The following MORN1 variants were observed in gnomAD, a reference collection of about 807,000 sequenced individuals.
MORN1 encodes MORN repeat containing 1.
Under a neutral mutation model 61.9 loss-of-function variants are expected in MORN1, and 67 were observed. That is an observed-to-expected ratio of 1.08 (90% CI 0.89 to 1.33). The LOEUF (loss-of-function observed/expected upper bound fraction) is 1.33. MORN1 is among the 40% of genes most tolerant of loss of function. MORN1 has a pLI of 0.00. For synonymous variants in MORN1, 301 were observed against 292.0 expected (o/e 1.03, Z -0.31); for missense variants, 752 against 691.2 (o/e 1.09, Z -0.99).
At chr1:2,323,590 C>T (rs537746979) in intron 13 of MORN1, 4 of 985,306 alleles carry the variant, frequency 4.1e-6, no homozygotes, top group East Asian at 1.1e-4. Context: ...GGAGGCCCCA[C>T]GGCTGAGGGT....
chr1:2,388,476 A>G (rs1464901745), intron 2 of MORN1, 139 bp from the exon 3 acceptor site: 5 of 619,466 alleles, frequency 8.1e-6, no homozygotes, highest in South Asian at 6.0e-5. Flanking sequence ...CATGCTATAC[A>G]TGTATTTAAA....
chr1:2,384,951 C>T (rs1306264904), intron 6 of MORN1, 27 bp downstream of exon 6: 1 of 1,527,788 alleles, frequency 6.5e-7, no homozygotes, highest in East Asian at 2.4e-5. Context: ...ACCCTCTGGG[C>T]AGCAGGTGCC....
chr1:2,338,602 CG>C (rs1393879669), intron 10 of MORN1, among the ~76,000 whole-genome samples: 1 of 152,162 alleles, frequency 6.6e-6, no homozygotes, highest in East Asian at 1.9e-4. Flanking sequence ...CACACGGTGG[CG>C]GGGGCTTCAG....
At chr1:2,346,616 C>A (rs1440389835) in intron 10 of MORN1, among the ~76,000 whole-genome samples, 1 of 152,174 alleles carries the variant, frequency 6.6e-6, no homozygotes, top group East Asian at 1.9e-4. Flanking sequence ...GATTTCCTGA[C>A]CTCAGGTGAT....
At chr1:2,348,983 C>T (rs1184522559) in intron 10 of MORN1, among the ~76,000 whole-genome samples, 2 of 152,168 alleles carry the variant, frequency 1.3e-5, no homozygotes, top group African/African-American at 4.8e-5. Flanking sequence ...TTCTTGTCCC[C>T]ACTTCTTTGT....
intron 12 of MORN1, among the ~76,000 whole-genome samples, chr1:2,335,494 C>T (rs903905): frequency 0.26 from 38,768 of 151,990 alleles, 5,357 homozygotes; most frequent in African/African-American, 0.36. Context: ...CCTTCTAGGG[C>T]GGCGACAGGG....
chr1:2,373,280 G>A (rs1054408818), intron 7 of MORN1, among the ~76,000 whole-genome samples: 3 of 152,242 alleles, frequency 2.0e-5, no homozygotes, highest in African/African-American at 7.2e-5. Context: ...GGGTGCACAG[G>A]GTGGCGGGTG....
intron 5 of MORN1, chr1:2,385,349 AG>A (rs1406585900): frequency 4.0e-6 from 2 of 503,116 alleles, no homozygotes; most frequent in Non-Finnish European, 7.2e-6. Context: ...AGGCAACGGG[AG>A]GGGGCTGCAG....
At chr1:2,389,263 T>C (rs4648633) in intron 2 of MORN1, among the ~76,000 whole-genome samples, 26,061 of 152,252 alleles carry the variant, frequency 0.17, 2,809 homozygotes, top group Non-Finnish European at 0.24. Context: ...ATCGACTTTA[T>C]ACTTGCTTTT....
At chr1:2,388,180 C>T in intron 3 of MORN1, 59 bp downstream of exon 3, 2 of 1,381,510 alleles carry the variant, frequency 1.4e-6, no homozygotes, top group Non-Finnish European at 2.0e-6. Flanking sequence ...CTCGGCGGAC[C>T]AACTGAGCCC....
At chr1:2,321,953 C>T in intron 13 of MORN1, 2 of 949,600 alleles carry the variant, frequency 2.1e-6, no homozygotes, top group Non-Finnish European at 2.5e-6. Context: ...GATTCTTTTG[C>T]AAATACTTTC....
intron 10 of MORN1, among the ~76,000 whole-genome samples, chr1:2,353,174 G>A (rs1641687938): frequency 6.6e-6 from 1 of 152,234 alleles, no homozygotes; most frequent in African/African-American, 2.4e-5. Flanking sequence ...GACTGGGCCA[G>A]GGACAAATGT....
chr1:2,339,468 A>G (rs1641349562), intron 10 of MORN1, among the ~76,000 whole-genome samples: 1 of 152,086 alleles, frequency 6.6e-6, no homozygotes, highest in African/African-American at 2.4e-5. Flanking sequence ...CCGGCACCGC[A>G]CCCGCCAGGT....
chr1:2,357,412 G>A lies in MORN1; in HGVS notation c.1036+20C>T. The A allele has an allele frequency of 2.5e-6, 4 of 1,569,632 alleles. No individual in the cohort carries two copies. The highest frequency in any genetic ancestry group is 2.6e-6 in the Non-Finnish European group (3 of 1,156,712). On this transcript the variant is annotated intron_variant, in intron 10 of 13. Transcript: ENST00000378531. The surrounding 1 kb of genome is among the most constrained non-coding windows in gnomAD (Gnocchi z 6.3). ...GGCCTGGGCCCACCCACCCCCAACT[G>A]GTTTGTGAGCTCCACTTACCAAGCA...
intron 12 of MORN1, among the ~76,000 whole-genome samples, chr1:2,324,457 G>A (rs1640954104): frequency 6.6e-6 from 1 of 152,214 alleles, no homozygotes; most frequent in South Asian, 2.1e-4. Flanking sequence ...ACAAGGCGGA[G>A]GCCTCCCAGG....
intron 8 of MORN1, among the ~76,000 whole-genome samples, chr1:2,368,321 C>T (rs1642039426): frequency 6.6e-6 from 1 of 152,152 alleles, no homozygotes; most frequent in South Asian, 2.1e-4. Flanking sequence ...AGCGGGGCTG[C>T]CCCCCAGGCA....
Position 2,327,572 on chromosome 1 carries a change from C to T in MORN1, c.1251-3429G>A, listed in dbSNP as rs915936859. Among the ~76,000 whole-genome samples, 19 of 152,216 alleles carry T rather than the reference C, an allele frequency of 1.2e-4. 1 individual carries two copies. The highest frequency in any genetic ancestry group is 9.8e-4 in the Admixed American group (15 of 15,274). On this transcript the variant is annotated intron_variant, in intron 12 of 13. Transcript: ENST00000378531. ...CACAGAAACACTGAAACACAGTGGG[C>T]GGTGTCCAGGCTGCAGAGGCTCCAT... is the stretch of plus-strand genomic sequence containing the variant.
At chr1:2,374,384 C>T (rs1570020778) in intron 7 of MORN1, 77 bp downstream of exon 7, 1 of 1,322,012 alleles carries the variant, frequency 7.6e-7, no homozygotes, top group South Asian at 1.3e-5. Context: ...TCAGTGTTTC[C>T]CATATGGCTG....
At chr1:2,369,761 A>G (rs1011742632) in intron 8 of MORN1, among the ~76,000 whole-genome samples, 2 of 152,190 alleles carry the variant, frequency 1.3e-5, no homozygotes, top group African/African-American at 4.8e-5. Flanking sequence ...TAACATTATT[A>G]TGTATTAATA....
Sources: allele counts gnomAD v4.1 joint callset (sites outside exome capture counted in the v4.1 genomes callset), GRCh38; gene constraint gnomAD v4.1.1; non-coding constraint Gnocchi (gnomAD v3.1); transcripts MANE v1.5; gene names NCBI Gene and HGNC (gene_info 2026-07-23, HGNC 2026-07-21).